CNTNAP2: variants seen among roughly 807,000 people sequenced by gnomAD.
CNTNAP2 encodes the protein contactin-associated protein-like 2.
In CNTNAP2, 98 loss-of-function variants were observed where a neutral mutation model predicts 155.2. The observed-to-expected ratio is 0.63, with a 90% CI of 0.54 to 0.75. The LOEUF is 0.75. CNTNAP2 is among the 30% of genes least tolerant of loss of function. CNTNAP2 has a pLI of 0.00. For missense variants in CNTNAP2, 1,727 were observed against 1,688.1 expected (o/e 1.02, Z -0.40); for synonymous variants, 651 against 631.2 (o/e 1.03, Z -0.47).
intron 1 of CNTNAP2, among the ~76,000 whole-genome samples, chr7:146,444,488 T>C (rs530893121): frequency 6.6e-6 from 1 of 152,304 alleles, no homozygotes; most frequent in South Asian, 2.1e-4. Flanking sequence ...AGATACATCC[T>C]GGACTGGATA....
At chr7:146,751,190 C>T (rs1801896939) in intron 1 of CNTNAP2, among the ~76,000 whole-genome samples, 1 of 152,058 alleles carries the variant, frequency 6.6e-6, no homozygotes, top group Non-Finnish European at 1.5e-5. Context: ...TGAACATTTA[C>T]AAATGCTCAA....
chr7:147,197,333 GC>G (rs1179008306), intron 8 of CNTNAP2, among the ~76,000 whole-genome samples: 1 of 148,294 alleles, frequency 6.7e-6, no homozygotes, highest in South Asian at 2.2e-4. Flanking sequence ...GCTCGGGCCT[GC>G]CCCCCCGCCC....
chr7:148,279,466 G>T (rs1012116793), intron 21 of CNTNAP2, among the ~76,000 whole-genome samples: 1 of 152,246 alleles, frequency 6.6e-6, no homozygotes. Context: ...TGGCCCAGTG[G>T]TGGGGCTGCC....
chr7:147,452,471 G>A (rs1797849125), intron 10 of CNTNAP2, among the ~76,000 whole-genome samples: 1 of 152,004 alleles, frequency 6.6e-6, no homozygotes, highest in South Asian at 2.1e-4. Context: ...ACCACCTAGG[G>A]CATTTCTTTA....
intron 1 of CNTNAP2, among the ~76,000 whole-genome samples, chr7:146,273,748 G>A (rs775827500): frequency 6.6e-6 from 1 of 152,000 alleles, no homozygotes; most frequent in Non-Finnish European, 1.5e-5. Context: ...TGCGGTCTGT[G>A]GTCCTAGATT....
chr7:148,022,674 T>C (rs1802305186), intron 15 of CNTNAP2, among the ~76,000 whole-genome samples: 1 of 151,036 alleles, frequency 6.6e-6, no homozygotes, highest in Admixed American at 6.6e-5. Context: ...TTATTACTGT[T>C]CGTGGAGTGT....
intron 1 of CNTNAP2, among the ~76,000 whole-genome samples, chr7:146,572,264 C>CTTTTTTTTT (rs71165015): frequency 7.9e-6 from 1 of 126,216 alleles, no homozygotes. Context: ...TTTCTGTTGT[C>CTTTTTTTTT]TTTTTTTTTT....
intron 8 of CNTNAP2, among the ~76,000 whole-genome samples, chr7:147,241,816 A>T (rs1803944732): frequency 6.6e-6 from 1 of 152,198 alleles, no homozygotes; most frequent in African/African-American, 2.4e-5. Flanking sequence ...TAAGAGGCCC[A>T]GTTAAATTTG....
At chr7:146,999,826 T>C (rs1031300463) in intron 3 of CNTNAP2, among the ~76,000 whole-genome samples, 2 of 152,098 alleles carry the variant, frequency 1.3e-5, no homozygotes, top group East Asian at 3.9e-4. Context: ...TTCTTTGATT[T>C]TGACAGTTGC....
chr7:148,275,544 G>T (rs1423868903), intron 21 of CNTNAP2, among the ~76,000 whole-genome samples: 2 of 152,222 alleles, frequency 1.3e-5, no homozygotes, highest in Non-Finnish European at 2.9e-5. Context: ...GATTGGCAGG[G>T]TGGTTGTTCT....
At chr7:146,958,159 G>C (rs1797474001) in intron 3 of CNTNAP2, among the ~76,000 whole-genome samples, 1 of 152,106 alleles carries the variant, frequency 6.6e-6, no homozygotes. Context: ...AAGGCGAATG[G>C]CACCTCAGGA....
In CNTNAP2 at chr7:148,057,807, A is replaced by G. The variant is rs2707556; in HGVS notation, c.2384-60311A>G. 8.6e-3 allele frequency among the ~76,000 whole-genome samples: 1,305 copies of G among 152,168 alleles called. 14 individuals are homozygous for G. The highest frequency in any genetic ancestry group is 0.03 in the African/African-American group (1,239 of 41,544). On this transcript the variant is annotated intron_variant, in intron 15 of 23. Coordinates refer to ENST00000361727, the MANE Select transcript of CNTNAP2 (RefSeq NM_014141.6). ...AAACTAACCTTGGGTTCAAATCATA[A>G]TGCTGCCACTCCTTGACTGTGTGAT...
rs1380474169 is a variant in CNTNAP2 at position 147,627,714 on chromosome 7, AG to A, written c.1898-11391del. On this transcript the variant is annotated intron_variant, in intron 12 of 23. Transcript: ENST00000361727. The stretch of plus-strand genomic sequence containing the variant: ...CTCAAAAAAAAAAAAAAAAAAAAAA[AG>A]ATATTAAAACAAAATACAGGATATG... Among the ~76,000 whole-genome samples the A allele has an allele frequency of 5.5e-3, 781 of 142,278 alleles. 13 individuals are homozygous for A. The highest frequency in any genetic ancestry group is 0.021 in the African/African-American group (728 of 35,412). 93.3% of individuals were successfully genotyped at this position (142,278 alleles called of 152,430 possible).
At chr7:147,754,536 C>T (rs1220166635) in intron 13 of CNTNAP2, among the ~76,000 whole-genome samples, 3 of 152,100 alleles carry the variant, frequency 2.0e-5, no homozygotes, top group African/African-American at 4.8e-5. Flanking sequence ...TATGTAAAAA[C>T]TAATGCAATG....
chr7:147,685,912 G>A lies in CNTNAP2; in HGVS notation c.2098+46606G>A, dbSNP rs553966104. On this transcript the variant is annotated intron_variant, in intron 13 of 23. Coordinates refer to ENST00000361727, the MANE Select transcript of CNTNAP2 (RefSeq NM_014141.6). ...AAGGAATTTGCTGGGGAAGAGCACG[G>A]AGGACCATGTGTCCAGAAAGAGAAG... 3.9e-5 allele frequency among the ~76,000 whole-genome samples: 6 copies of A among 152,030 alleles called. No individual in the cohort carries two copies. In the East Asian group the frequency reaches 1.2e-3, roughly 29 times the overall value.
chr7:147,484,166 A>G (rs1279962790), intron 10 of CNTNAP2, among the ~76,000 whole-genome samples: 1 of 152,210 alleles, frequency 6.6e-6, no homozygotes, highest in East Asian at 1.9e-4. Context: ...TTTGGAGATG[A>G]AACATCTTTG....
chr7:146,414,549 T>A (rs1795910178), intron 1 of CNTNAP2, among the ~76,000 whole-genome samples: 1 of 152,182 alleles, frequency 6.6e-6, no homozygotes, highest in African/African-American at 2.4e-5. Flanking sequence ...GGCAGCTGCC[T>A]ACTGTGTTAT....
chr7:147,407,467 CAAAAAAAAAAAAAAAAAAAAAAAAAAA>C (rs768738493), intron 10 of CNTNAP2, among the ~76,000 whole-genome samples: 1 of 64,864 alleles, frequency 1.5e-5, no homozygotes, highest in Admixed American at 2.4e-4. Flanking sequence ...GACTCCCTCT[CAAAAAAAAAAAAAAAAAAAAAAAAAAA>C]AAAAAAAAAA....
intron 8 of CNTNAP2, among the ~76,000 whole-genome samples, chr7:147,179,154 A>G (rs1802407385): frequency 6.6e-6 from 1 of 152,234 alleles, no homozygotes. Flanking sequence ...CTGTAATTCC[A>G]ATAAATTCAT....
Sources: gnomAD v4.1 joint callset for allele counts (sites outside exome capture counted in the v4.1 genomes callset) on GRCh38, gnomAD v4.1.1 for gene constraint, MANE v1.5 for transcripts, NCBI Gene and HGNC (gene_info 2026-07-23, HGNC 2026-07-21) for gene names.